The following ZNF385B variants were observed in gnomAD, a reference collection of about 807,000 sequenced individuals.
ZNF385B encodes zinc finger protein 385B, also known as zinc finger protein 533.
Under a neutral mutation model 39.2 loss-of-function variants are expected in ZNF385B, and 23 were observed. The ratio of observed to expected loss-of-function variants is 0.59; its 90% CI spans 0.42 to 0.83. The LOEUF is 0.83. Among genes scored for constraint, ZNF385B ranks in the 40% least tolerant of loss-of-function variants. ZNF385B has a pLI of 0.00. For missense variants in ZNF385B, 552 were observed against 598.9 expected (o/e 0.92, Z 0.82); for synonymous variants, 205 against 222.6 (o/e 0.92, Z 0.70).
chr2:179,819,008 T>G (rs1205105391), intron 1 of ZNF385B, among the ~76,000 whole-genome samples: 1 of 145,770 alleles, frequency 6.9e-6, no homozygotes, highest in Non-Finnish European at 1.5e-5. Flanking sequence ...TAGATATATA[T>G]GTATAAATAT....
rs1327533512 is a variant in ZNF385B, at chr2:179,838,929, G to GT, written c.-155+22171_-155+22172insA. Among the ~76,000 whole-genome samples, 9 of 95,896 alleles carry GT rather than the reference G, an allele frequency of 9.4e-5. No homozygotes were observed. The Admixed American group carries it at 1.1e-3, about 12-fold the overall frequency. The allele number at this position is 95,896 out of a possible 152,430, so 62.9% of individuals were successfully genotyped here. On this transcript the variant is annotated intron_variant, in intron 1 of 9. Coordinates refer to ENST00000410066, the MANE Select transcript of ZNF385B (RefSeq NM_152520.6). ...GTTATTACTGTAAACCAAAAAAAAA[G>GT]GGGGGGGGGCATTTTGCTGCTCCTT... is the stretch of plus-strand genomic sequence containing the variant.
intron 5 of ZNF385B, among the ~76,000 whole-genome samples, chr2:179,500,548 A>G (rs1327930695): frequency 1.3e-5 from 2 of 152,198 alleles, no homozygotes; most frequent in Non-Finnish European, 2.9e-5. Flanking sequence ...ATCCATATGC[A>G]GAAGAATGAA....
At chr2:179,734,088 T>C (rs1229000788) in intron 3 of ZNF385B, among the ~76,000 whole-genome samples, 1 of 152,216 alleles carries the variant, frequency 6.6e-6, no homozygotes, top group South Asian at 2.1e-4. Context: ...TACAGACATA[T>C]CTTATTATTT....
chr2:179,488,823 G>A (rs924512187), intron 5 of ZNF385B, among the ~76,000 whole-genome samples: 2 of 152,108 alleles, frequency 1.3e-5, no homozygotes, highest in Admixed American at 6.6e-5. Context: ...TATGTCAAAT[G>A]AGCGACCATA....
chr2:179,493,515 A>G lies in ZNF385B; in HGVS notation c.553-10081T>C, dbSNP rs148380732. Among the ~76,000 whole-genome samples the G allele has an allele frequency of 2.6e-3, 395 of 151,570 alleles. 5 individuals are homozygous for G. Among genetic ancestry groups the G allele is most frequent in the Non-Finnish European group, 2.1e-3 (141 of 67,686 alleles). ...AACGTGTGTGTACATATATGCGTAT[A>G]CATATGTGTGTACATATATGCGTAT... is the stretch of plus-strand genomic sequence containing the variant. On this transcript the variant is annotated intron_variant, in intron 5 of 9. Transcript: ENST00000410066.
At chr2:179,591,764 C>T (rs886989538) in intron 3 of ZNF385B, among the ~76,000 whole-genome samples, 1 of 152,076 alleles carries the variant, frequency 6.6e-6, no homozygotes, top group Non-Finnish European at 1.5e-5. Context: ...GGACTGTCCT[C>T]ATTAATAGAT....
At chr2:179,744,518 C>G (rs1328502123) in intron 3 of ZNF385B, among the ~76,000 whole-genome samples, 2 of 151,994 alleles carry the variant, frequency 1.3e-5, no homozygotes, top group Non-Finnish European at 2.9e-5. Context: ...TGGGACTTGC[C>G]GAGACAGATT....
chr2:179,596,728 TCTTA>T (rs1442721156), intron 3 of ZNF385B, among the ~76,000 whole-genome samples: 2 of 152,190 alleles, frequency 1.3e-5, no homozygotes, highest in Non-Finnish European at 2.9e-5. Context: ...AGAAGCAATC[TCTTA>T]CTTTTACCAT....
intron 3 of ZNF385B, among the ~76,000 whole-genome samples, chr2:179,750,818 C>T (rs1404957780): frequency 6.6e-6 from 1 of 151,956 alleles, no homozygotes; most frequent in Non-Finnish European, 1.5e-5. Context: ...GGTAGAAACG[C>T]AATGATTTGT....
chr2:179,709,580 T>C (rs1230007300), intron 3 of ZNF385B, among the ~76,000 whole-genome samples: 2 of 152,112 alleles, frequency 1.3e-5, no homozygotes, highest in Non-Finnish European at 2.9e-5. Context: ...CTTGAGGAAG[T>C]TCCCACAGAA....
In ZNF385B at chr2:179,444,964, C is replaced by T. The variant is rs750056621; in HGVS notation, c.1154G>A (p.Arg385Gln). 6.8e-6 allele frequency: 11 copies of T among 1,613,930 alleles called. No individual in the cohort carries two copies. The highest frequency in any genetic ancestry group is 8.5e-6 in the Non-Finnish European group (10 of 1,179,950). Residue 385 changes from arginine to glutamine, a missense_variant, in exon 9 of 10, where the codon CGA becomes CAA. Arg to Gln is a conservative substitution (Grantham distance 43). Transcript: ENST00000410066. ...EIQLKQHISS[R>Q]RHKDRVAGKP... ...CCCTGCAACTCGATCTTTATGCCTT[C>T]GGCTAGAAATGTGCTGAAAAAGTTT...
At chr2:179,589,854 A>G (rs891992034) in intron 3 of ZNF385B, among the ~76,000 whole-genome samples, 2 of 152,224 alleles carry the variant, frequency 1.3e-5, no homozygotes, top group African/African-American at 4.8e-5. Flanking sequence ...TGTGATGTGA[A>G]TGCTTATTAC....
At chr2:179,476,493 A>G (rs1008252579) in intron 6 of ZNF385B, among the ~76,000 whole-genome samples, 5 of 152,234 alleles carry the variant, frequency 3.3e-5, no homozygotes, top group African/African-American at 1.2e-4. Context: ...TCAGTAAATC[A>G]CAAATCAGCC....
At chr2:179,807,429 C>T (rs1035381987) in intron 1 of ZNF385B, among the ~76,000 whole-genome samples, 6 of 151,926 alleles carry the variant, frequency 3.9e-5, no homozygotes, top group African/African-American at 1.2e-4. Context: ...GAAACACCAT[C>T]TCTACTAAAA....
At chr2:179,606,692 G>A (rs1459848102) in intron 3 of ZNF385B, among the ~76,000 whole-genome samples, 1 of 152,112 alleles carries the variant, frequency 6.6e-6, no homozygotes, top group African/African-American at 2.4e-5. Context: ...AAAAATAATG[G>A]AAGAGTTCCT....
At chr2:179,510,625 A>G (rs562138326) in intron 5 of ZNF385B, among the ~76,000 whole-genome samples, 2 of 152,266 alleles carry the variant, frequency 1.3e-5, no homozygotes, top group Non-Finnish European at 1.5e-5. Flanking sequence ...GGCCTTTTTA[A>G]GTAAAATACC....
chr2:179,621,165 G>T (rs561228903), intron 3 of ZNF385B, among the ~76,000 whole-genome samples: 1 of 151,984 alleles, frequency 6.6e-6, no homozygotes, highest in East Asian at 1.9e-4. Context: ...AAAAGGGGAG[G>T]GGGAAAAAGA....
chr2:179,845,261 T>C (rs1282056741), intron 1 of ZNF385B, among the ~76,000 whole-genome samples: 1 of 152,198 alleles, frequency 6.6e-6, no homozygotes, highest in African/African-American at 2.4e-5. Context: ...TAGTGGGTCA[T>C]ATGAGCTGAC....
chr2:179,784,585 C>T (rs575229687), intron 1 of ZNF385B, among the ~76,000 whole-genome samples: 25 of 152,016 alleles, frequency 1.6e-4, no homozygotes, highest in African/African-American at 5.5e-4. Flanking sequence ...CAACAAATTA[C>T]TCTCATATGA....
Sources: allele counts gnomAD v4.1 joint callset (sites outside exome capture counted in the v4.1 genomes callset), GRCh38; gene constraint gnomAD v4.1.1; transcripts MANE v1.5; gene names NCBI Gene and HGNC (gene_info 2026-07-23, HGNC 2026-07-21).